The following CSMD1 variants were observed in gnomAD, a reference collection of about 807,000 sequenced individuals.
The protein encoded by CSMD1 is CUB and sushi domain-containing protein 1.
Under a neutral mutation model 417.5 loss-of-function variants are expected in CSMD1, and 213 were observed. That is an observed-to-expected ratio of 0.51 (90% CI 0.46 to 0.57). The LOEUF is 0.57. Among genes scored for constraint, CSMD1 ranks in the 20% least tolerant of loss-of-function variants. CSMD1 has a pLI of 0.00. For missense variants in CSMD1, 6,923 were observed against 4,529.7 expected (o/e 1.53, Z -15.17); for synonymous variants, 2,862 against 1,736.8 (o/e 1.65, Z -16.11).
intron 3 of CSMD1, among the ~76,000 whole-genome samples, chr8:4,097,548 A>C (rs1801083517): frequency 1.3e-5 from 2 of 152,186 alleles, no homozygotes; most frequent in Non-Finnish European, 2.9e-5. Flanking sequence ...TCAAGACAGA[A>C]AGTCAGAGGA....
intron 7 of CSMD1, among the ~76,000 whole-genome samples, chr8:3,697,790 G>C (rs1001793662): frequency 6.6e-6 from 1 of 152,128 alleles, no homozygotes; most frequent in Admixed American, 6.6e-5. Context: ...AGTAGTGATG[G>C]AAATGCTAAA....
chr8:3,230,382 C>T (rs2116906877), intron 26 of CSMD1, among the ~76,000 whole-genome samples, 151 bp from the exon 27 acceptor site: 1 of 152,270 alleles, frequency 6.6e-6, no homozygotes, highest in African/African-American at 2.4e-5. Flanking sequence ...TTTCTTTTCC[C>T]AGGGGTACAT....
At chr8:4,795,931 C>G (rs1037443349) in intron 1 of CSMD1, among the ~76,000 whole-genome samples, 2 of 152,146 alleles carry the variant, frequency 1.3e-5, no homozygotes, top group Non-Finnish European at 2.9e-5. Flanking sequence ...ATACTCAAGG[C>G]TTTTTAAGCC....
chr8:3,526,431 G>A (rs1425871789), intron 10 of CSMD1, among the ~76,000 whole-genome samples: 6 of 151,986 alleles, frequency 3.9e-5, no homozygotes, highest in South Asian at 4.1e-4. Context: ...AAGTTAGTAT[G>A]CAGTTTAGAC....
intron 26 of CSMD1, among the ~76,000 whole-genome samples, chr8:3,239,172 G>C (rs940957722): frequency 1.3e-5 from 2 of 152,108 alleles, no homozygotes; most frequent in African/African-American, 4.8e-5. Context: ...GGTTTTAAAA[G>C]ACCATTAGTC....
chr8:4,171,852 G>C (rs997049670), intron 3 of CSMD1, among the ~76,000 whole-genome samples: 8 of 152,000 alleles, frequency 5.3e-5, no homozygotes, highest in African/African-American at 1.9e-4. Flanking sequence ...CCCATTATGT[G>C]TGATTCTCTC....
intron 3 of CSMD1, among the ~76,000 whole-genome samples, chr8:4,147,657 G>A (rs1296556984): frequency 6.6e-6 from 1 of 152,122 alleles, no homozygotes; most frequent in Non-Finnish European, 1.5e-5. Context: ...TCTGAGTGCT[G>A]GCTCATGGGA....
rs1048144337 is a variant in CSMD1 at position 3,288,546 on chromosome 8, G to T, written c.3951-4200C>A. On this transcript the variant is annotated intron_variant, in intron 25 of 69. Coordinates refer to ENST00000635120, the MANE Select transcript of CSMD1 (RefSeq NM_033225.6). ...GTCTTGGCAGGATGTATGTGTCGAA[G>T]AATTTATCCATTTCTTCTAGATTTT... 1.0e-4 allele frequency among the ~76,000 whole-genome samples: 15 copies of T among 147,346 alleles called. 5 individuals are homozygous for T. The highest frequency in any genetic ancestry group is 4.0e-4 in the African/African-American group (15 of 37,128).
chr8:3,321,144 C>A (rs1024934718), intron 23 of CSMD1, among the ~76,000 whole-genome samples: 2 of 152,128 alleles, frequency 1.3e-5, no homozygotes, highest in East Asian at 3.9e-4. Flanking sequence ...CTGCACCCAC[C>A]ATCAGGTGGG....
At chr8:3,367,295 C>T (rs561927508) in intron 19 of CSMD1, 48 bp from the exon 20 acceptor site, 8 of 1,306,260 alleles carry the variant, frequency 6.1e-6, no homozygotes, top group Admixed American at 3.9e-5. Context: ...GAGAGACACA[C>T]GGGGCGGCGG....
At chr8:4,830,170 T>A (rs1296752442) in intron 1 of CSMD1, among the ~76,000 whole-genome samples, 1 of 151,988 alleles carries the variant, frequency 6.6e-6, no homozygotes. Context: ...ACAAGAAGAG[T>A]CTTGTTTACA....
chr8:4,465,654 G>C lies in CSMD1; in HGVS notation c.303-45589C>G, dbSNP rs147833325. Among the ~76,000 whole-genome samples the C allele has an allele frequency of 6.9e-3, 1,052 of 152,228 alleles. 11 individuals are homozygous for C. Among genetic ancestry groups the C allele is most frequent in the African/African-American group, 0.024 (997 of 41,530 alleles). The stretch of plus-strand genomic sequence containing the variant: ...GTAGAACAAGATTTCCAAATCCCAA[G>C]TACTGGAGAGATGAAATTCACTTTA... On this transcript the variant is annotated intron_variant, in intron 2 of 69. Coordinates refer to ENST00000635120, the MANE Select transcript of CSMD1 (RefSeq NM_033225.6).
chr8:3,238,477 T>G (rs1005878436), intron 26 of CSMD1, among the ~76,000 whole-genome samples: 19 of 151,890 alleles, frequency 1.3e-4, no homozygotes, highest in Admixed American at 5.3e-4. Context: ...CAAAAATTTT[T>G]GGGGGTGGTA....
intron 3 of CSMD1, among the ~76,000 whole-genome samples, chr8:4,309,791 C>T (rs1395501603): frequency 1.3e-5 from 2 of 152,158 alleles, no homozygotes; most frequent in African/African-American, 2.4e-5. Context: ...ATAGAAACCT[C>T]ACCTCCATAT....
At chr8:4,348,646 GGGGA>G (rs1052743950) in intron 3 of CSMD1, among the ~76,000 whole-genome samples, 7 of 125,064 alleles carry the variant, frequency 5.6e-5, no homozygotes, top group Non-Finnish European at 8.5e-5. Context: ...GGAGAGGGAG[GGGGA>G]GAGAGAGAGA....
At chr8:4,320,053 CA>C (rs1799180961) in intron 3 of CSMD1, among the ~76,000 whole-genome samples, 2 of 152,046 alleles carry the variant, frequency 1.3e-5, no homozygotes, top group South Asian at 4.1e-4. Flanking sequence ...GAGTAGTAAA[CA>C]AAAGACTTCG....
At chr8:4,807,070 T>C (rs1290346407) in intron 1 of CSMD1, among the ~76,000 whole-genome samples, 1 of 152,192 alleles carries the variant, frequency 6.6e-6, no homozygotes, top group East Asian at 1.9e-4. Context: ...AAGAATTAAA[T>C]ATTTTTATTC....
intron 41 of CSMD1, among the ~76,000 whole-genome samples, chr8:3,142,029 C>T (rs1167604937): frequency 1.3e-5 from 2 of 152,118 alleles, no homozygotes; most frequent in East Asian, 1.9e-4. Context: ...GATCTCCTGA[C>T]CTCGTGATCC....
At chr8:4,362,912 G>C (rs571298957) in intron 3 of CSMD1, among the ~76,000 whole-genome samples, 4 of 152,284 alleles carry the variant, frequency 2.6e-5, no homozygotes, top group East Asian at 3.9e-4. Flanking sequence ...AAATGTAAAA[G>C]ATTATTTCTT....
Sources: allele counts gnomAD v4.1 joint callset (sites outside exome capture counted in the v4.1 genomes callset), GRCh38; gene constraint gnomAD v4.1.1; transcripts MANE v1.5; gene names NCBI Gene and HGNC (gene_info 2026-07-23, HGNC 2026-07-21).